POC1A: variants seen among roughly 807,000 people sequenced by gnomAD.
POC1A encodes the protein POC1 centriolar protein homolog A.
Under a neutral mutation model 47.8 loss-of-function variants are expected in POC1A, and 34 were observed. That is an observed-to-expected ratio of 0.71 (90% CI 0.54 to 0.95). POC1A has a LOEUF of 0.95. POC1A is among the 40% of genes least tolerant of loss of function. POC1A has a pLI of 0.00. For missense variants in POC1A, 466 were observed against 528.3 expected, an observed-to-expected ratio of 0.88 and a Z score of 1.16; for synonymous variants, 177 against 207.6, an observed-to-expected ratio of 0.85 and a Z score of 1.27.
At chr3:52,086,657 C>T (rs992880274) in intron 10 of POC1A, among the ~76,000 whole-genome samples, 4 of 152,204 alleles carry the variant, frequency 2.6e-5, no homozygotes, top group African/African-American at 9.6e-5. Flanking sequence ...CCAGCCTAGC[C>T]CTCTGCAGAC....
chr3:52,131,343 C>G (rs957434960), intron 7 of POC1A, among the ~76,000 whole-genome samples: 5 of 152,162 alleles, frequency 3.3e-5, no homozygotes, highest in Admixed American at 1.3e-4. Context: ...CCTCTCCTGA[C>G]CAGTGTTCCC....
In POC1A at chr3:52,103,130, T is replaced by G. The variant is rs182884617; in HGVS notation, c.982-6418A>C. ...ACAAGTTAGTATTTCCAACAGTTGA[T>G]TAAACAACTGAGTATCCACATGCAA... On this transcript the variant is annotated intron_variant, in intron 9 of 10. Coordinates refer to ENST00000296484, the MANE Select transcript of POC1A (RefSeq NM_015426.5). Among the ~76,000 whole-genome samples, 56 of 152,368 alleles carry G rather than the reference T, an allele frequency of 3.7e-4. 1 individual carries two copies. Among genetic ancestry groups the G allele is most frequent in the Admixed American group, 3.3e-3 (50 of 15,312 alleles).
intron 7 of POC1A, among the ~76,000 whole-genome samples, chr3:52,134,355 G>A (rs1252206818): frequency 1.3e-5 from 2 of 152,236 alleles, no homozygotes; most frequent in Non-Finnish European, 1.5e-5. Context: ...AAGAAGGCTG[G>A]ATGCAGTGGC....
intron 10 of POC1A, among the ~76,000 whole-genome samples, chr3:52,080,181 C>G (rs945861756): frequency 6.6e-6 from 1 of 152,214 alleles, no homozygotes; most frequent in Non-Finnish European, 1.5e-5. Flanking sequence ...TAAAGTTACA[C>G]AGCTTATCAG....
intron 7 of POC1A, among the ~76,000 whole-genome samples, chr3:52,135,321 A>C (rs1704408739): frequency 6.6e-6 from 1 of 152,338 alleles, no homozygotes; most frequent in East Asian, 1.9e-4. Flanking sequence ...CAAATGCCCA[A>C]ATTAAGGCTC....
At chr3:52,124,931 G>A (rs993369820) in intron 8 of POC1A, among the ~76,000 whole-genome samples, 182 bp downstream of exon 8, 1 of 152,200 alleles carries the variant, frequency 6.6e-6, no homozygotes, top group Admixed American at 6.5e-5. Context: ...CCATTCTGGA[G>A]TGGCAAGGCC....
At chr3:52,125,790 G>A (rs1371538854) in intron 7 of POC1A, among the ~76,000 whole-genome samples, 1 of 152,158 alleles carries the variant, frequency 6.6e-6, no homozygotes, top group Non-Finnish European at 1.5e-5. Flanking sequence ...CAGGCCATGG[G>A]TAGTGATGTG....
intron 10 of POC1A, among the ~76,000 whole-genome samples, chr3:52,095,721 C>T (rs907247507): frequency 2.0e-5 from 3 of 152,246 alleles, no homozygotes; most frequent in African/African-American, 7.2e-5. Context: ...CACATATCCA[C>T]ATGACAGCCA....
chr3:52,086,968 C>T (rs772442678), intron 10 of POC1A, among the ~76,000 whole-genome samples: 3 of 152,234 alleles, frequency 2.0e-5, no homozygotes, highest in East Asian at 1.9e-4. Flanking sequence ...AACACAGGTC[C>T]GGTGCCTGCC....
intron 10 of POC1A, among the ~76,000 whole-genome samples, chr3:52,078,842 C>T (rs1702198833): frequency 2.0e-5 from 3 of 152,234 alleles, no homozygotes; most frequent in Admixed American, 6.5e-5. Flanking sequence ...CTTCCCTCTA[C>T]AAGGGGAAGG....
At chr3:52,106,442 G>A (rs1461342239) in intron 9 of POC1A, among the ~76,000 whole-genome samples, 2 of 152,206 alleles carry the variant, frequency 1.3e-5, no homozygotes, top group African/African-American at 2.4e-5. Flanking sequence ...AGGATCACTT[G>A]AGCCCAGGAG....
chr3:52,100,776 C>G (rs935767917), intron 9 of POC1A, among the ~76,000 whole-genome samples: 1 of 152,138 alleles, frequency 6.6e-6, no homozygotes, highest in East Asian at 1.9e-4. Context: ...GGGGGCAGAA[C>G]AGTAGATGGA....
At chr3:52,129,543 C>A (rs1274338534) in intron 7 of POC1A, among the ~76,000 whole-genome samples, 2 of 152,210 alleles carry the variant, frequency 1.3e-5, no homozygotes, top group African/African-American at 4.8e-5. Context: ...AGCAGCGGCT[C>A]CTGGCTGGGC....
intron 8 of POC1A, among the ~76,000 whole-genome samples, chr3:52,124,601 C>T (rs1374015408): frequency 1.3e-5 from 2 of 152,152 alleles, no homozygotes; most frequent in Non-Finnish European, 2.9e-5. Flanking sequence ...TGAGACAGGC[C>T]CCAGTACCTG....
chr3:52,153,907 G>C (rs1029011763), intron 1 of POC1A, among the ~76,000 whole-genome samples: 1 of 152,256 alleles, frequency 6.6e-6, no homozygotes, highest in Admixed American at 6.5e-5. Context: ...TGTGAACTCA[G>C]AGAGGGCGGC....
intron 9 of POC1A, among the ~76,000 whole-genome samples, chr3:52,112,499 AG>A (rs1456289876): frequency 6.6e-6 from 1 of 152,116 alleles, no homozygotes. Flanking sequence ...AAAATTAGCC[AG>A]GTGTGGTGGT....
chr3:52,117,160 C>A lies in POC1A; in HGVS notation c.981+5219G>T, dbSNP rs146325717. On this transcript the variant is annotated intron_variant, in intron 9 of 10. Coordinates refer to ENST00000296484, the MANE Select transcript of POC1A (RefSeq NM_015426.5). ...CCAAGATTGTGCCACTGCACTCCAG[C>A]CTGGGTGACAGCACAAGACTCTGTC... 6.8e-3 allele frequency among the ~76,000 whole-genome samples: 1,040 copies of A among 151,852 alleles called. 15 individuals carry two copies. Among genetic ancestry groups the A allele is most frequent in the African/African-American group, 0.024 (990 of 41,332 alleles).
At chr3:52,112,057 G>A (rs1046668545) in intron 9 of POC1A, among the ~76,000 whole-genome samples, 1 of 152,182 alleles carries the variant, frequency 6.6e-6, no homozygotes, top group African/African-American at 2.4e-5. Context: ...TCCTCAGCTG[G>A]TAATAAAACC....
intron 7 of POC1A, among the ~76,000 whole-genome samples, chr3:52,132,191 C>T (rs1227716600): frequency 6.6e-6 from 1 of 152,138 alleles, no homozygotes; most frequent in Non-Finnish European, 1.5e-5. Flanking sequence ...TCAGCAAAGT[C>T]AAGGTCTTGC....
Sources: allele counts gnomAD v4.1 joint callset (sites outside exome capture counted in the v4.1 genomes callset), GRCh38; gene constraint gnomAD v4.1.1; transcripts MANE v1.5; gene names NCBI Gene and HGNC (gene_info 2026-07-23, HGNC 2026-07-21).